Variants in YEATS2 observed in about 807,000 individuals in gnomAD.
YEATS2 encodes YEATS domain containing 2, also known as YEATS domain-containing protein 2.
A neutral mutation model predicts 163.2 loss-of-function variants in YEATS2; 77 were observed. The observed-to-expected ratio is 0.47, with a 90% CI of 0.39 to 0.57. YEATS2 has a LOEUF of 0.57. YEATS2 is among the 20% of genes least tolerant of loss of function. The probability of loss-of-function intolerance (pLI) is 0.00; values close to 1 mark genes in which losing one functional copy is unlikely to be tolerated. For missense variants in YEATS2, 1,549 were observed against 1,729.8 expected (o/e 0.90, Z 1.85); for synonymous variants, 631 against 645.1 (o/e 0.98, Z 0.33).
intron 20 of YEATS2, among the ~76,000 whole-genome samples, chr3:183,788,225 A>G (rs538297377): frequency 2.0e-5 from 3 of 152,048 alleles, no homozygotes; most frequent in South Asian, 2.1e-4. Context: ...CTGTTGTGCT[A>G]TCAAATACTA....
At chr3:183,718,702 T>G in intron 4 of YEATS2, 110 bp downstream of exon 4, 1 of 993,292 alleles carries the variant, frequency 1.0e-6, no homozygotes, top group Non-Finnish European at 1.4e-6. Context: ...TCTGTTTGTT[T>G]TTTGGTTTTT....
At position 183,733,609 on chromosome 3, in the gene YEATS2, A is replaced by G. The variant is rs567078391; in HGVS notation, c.813-3109A>G. The stretch of plus-strand genomic sequence containing the variant: ...GATGTTTGTTGTGTTAGGTATCTAA[A>G]GTAATTTAACGAATAAGGGAGGATT... On this transcript the variant is annotated intron_variant, in intron 7 of 30. Transcript: ENST00000305135. Among the ~76,000 whole-genome samples the G allele has an allele frequency of 4.6e-4, 70 of 152,364 alleles. 2 individuals are homozygous for G. In the South Asian group the frequency reaches 0.014, roughly 30 times the overall value.
At chr3:183,741,747 A>C (rs544153981) in intron 8 of YEATS2, among the ~76,000 whole-genome samples, 2 of 151,776 alleles carry the variant, frequency 1.3e-5, no homozygotes, top group East Asian at 3.9e-4. Flanking sequence ...GCGCCACTGC[A>C]CTCCAGCCTG....
At chr3:183,800,362 C>A in intron 23 of YEATS2, 104 bp from the exon 24 acceptor site, 1 of 753,156 alleles carries the variant, frequency 1.3e-6, no homozygotes, top group Non-Finnish European at 2.2e-6. Flanking sequence ...GCTGGAGTGG[C>A]AGTTTCCTTA....
At chr3:183,799,195 T>C (rs1032059009) in intron 23 of YEATS2, among the ~76,000 whole-genome samples, 1 of 152,214 alleles carries the variant, frequency 6.6e-6, no homozygotes, top group African/African-American at 2.4e-5. Context: ...AACACAGAGA[T>C]GTATAAAGGA....
At chr3:183,793,586 T>C (rs1026741265) in intron 21 of YEATS2, 3 of 284,382 alleles carry the variant, frequency 1.1e-5, no homozygotes, top group East Asian at 3.5e-4. Context: ...GATGGAACTT[T>C]CTGTATCACA....
At chr3:183,765,555 T>G (rs939167639) in intron 15 of YEATS2, among the ~76,000 whole-genome samples, 3 of 152,344 alleles carry the variant, frequency 2.0e-5, no homozygotes. Context: ...TACCACTGTT[T>G]ACCCAGGAAA....
Position 183,777,586 on chromosome 3 carries a change from A to T in YEATS2, c.2622A>T (p.Lys874Asn), listed in dbSNP as rs1443819625. ...AGCCATCACCCCAGACTTCTGGAAAACAACTCACCACTGGGTCAGTGGTCC... is the reference window on the plus strand; with the variant it reads ...AGCCATCACCCCAGACTTCTGGAAATCAACTCACCACTGGGTCAGTGGTCC... The part of the protein sequence containing the change: ...VGQPSPQTSG[K>N]QLTTGSVVQG... Residue 874 changes from lysine (K) to asparagine (N), a missense_variant, in exon 19 of 31, where the codon AAA (lysine) becomes AAT (asparagine). By Grantham distance (94) the Lys-to-Asn change is moderately conservative. Transcript: ENST00000305135. 6.2e-7 allele frequency: 1 copy of T among 1,614,020 alleles called. No individual in the cohort carries two copies. The highest frequency in any genetic ancestry group is 1.3e-5 in the African/African-American group (1 of 74,902).
rs1196848061 is a variant in YEATS2 at position 183,717,692 on chromosome 3, G to A, written c.142G>A (p.Glu48Lys). Residue 48 changes from glutamate to lysine, a missense_variant, in exon 3 of 31, where the codon GAA (glutamate) becomes AAA (lysine). Physicochemically the swap from Glu to Lys is moderately conservative, Grantham distance 56. Transcript: ENST00000305135. Reference protein sequence around the residue: ...AVQKIETIIKEQFALEMKNKE... With the variant: ...AVQKIETIIKKQFALEMKNKE... ...GCAGAAGATTGAGACTATTATCAAA[G>A]AACAGTTTGCTCTTGAAATGAAGAA... The A allele has an allele frequency of 1.9e-6, 3 of 1,568,486 alleles. No homozygotes were observed. Among genetic ancestry groups the A allele is most frequent in the Non-Finnish European group, 2.6e-6 (3 of 1,164,134 alleles).
intron 16 of YEATS2, among the ~76,000 whole-genome samples, chr3:183,773,432 C>T (rs1028570658): frequency 1.7e-4 from 26 of 152,146 alleles, no homozygotes; most frequent in African/African-American, 4.3e-4. Context: ...CTGGCAGGCT[C>T]TTCTGGTCTA....
At chr3:183,718,447 A>G in intron 3 of YEATS2, 53 bp from the exon 4 acceptor site, 1 of 1,374,804 alleles carries the variant, frequency 7.3e-7, no homozygotes, top group Non-Finnish European at 1.0e-6. Context: ...TTGTTTGTAC[A>G]TCTCTTTTAT....
At chr3:183,738,867 G>A (rs1459583127) in intron 8 of YEATS2, among the ~76,000 whole-genome samples, 1 of 141,042 alleles carries the variant, frequency 7.1e-6, no homozygotes, top group South Asian at 2.5e-4. Flanking sequence ...AAACATACGT[G>A]TGCATGTGTC....
intron 1 of YEATS2, among the ~76,000 whole-genome samples, chr3:183,704,315 T>C (rs761008963): frequency 2.7e-4 from 41 of 152,250 alleles, no homozygotes; most frequent in Non-Finnish European, 5.4e-4. Flanking sequence ...TGATGCATTA[T>C]GCTTTTAATA....
chr3:183,799,017 C>T, intron 23 of YEATS2, 28 bp downstream of exon 23: 1 of 1,569,020 alleles, frequency 6.4e-7, no homozygotes, highest in East Asian at 2.2e-5. Flanking sequence ...GAGTTCTCGT[C>T]CAGAAGTTTT....
At chr3:183,724,212 G>A (rs1292375349) in intron 5 of YEATS2, among the ~76,000 whole-genome samples, 1 of 151,904 alleles carries the variant, frequency 6.6e-6, no homozygotes, top group Admixed American at 6.6e-5. Context: ...AAACACACCG[G>A]GAGTTACAGT....
chr3:183,800,755 T>C (rs900990855), intron 24 of YEATS2, among the ~76,000 whole-genome samples, 187 bp downstream of exon 24: 2 of 152,204 alleles, frequency 1.3e-5, no homozygotes, highest in Non-Finnish European at 2.9e-5. Context: ...TATACAGTGA[T>C]GTGACTAGAG....
At chr3:183,698,107 A>T (rs531914967) in intron 1 of YEATS2, 114 bp downstream of exon 1, 1 of 152,104 alleles carries the variant, frequency 6.6e-6, no homozygotes, top group South Asian at 2.1e-4. Context: ...ATCGGCAGGC[A>T]GCGCGGCAGC....
intron 30 of YEATS2, chr3:183,809,875 T>C (rs571241915): frequency 6.5e-6 from 1 of 152,876 alleles, no homozygotes; most frequent in African/African-American, 2.4e-5. Flanking sequence ...ATCAGAGGAA[T>C]AGTAGATGAA....
chr3:183,717,560 A>G, intron 2 of YEATS2, 91 bp from the exon 3 acceptor site: 1 of 956,274 alleles, frequency 1.0e-6, no homozygotes, highest in Non-Finnish European at 1.6e-6. Context: ...TAGAGTTACT[A>G]TTTCTTGGAT....
Sources: gnomAD v4.1 joint callset for allele counts (sites outside exome capture counted in the v4.1 genomes callset) on GRCh38, gnomAD v4.1.1 for gene constraint, MANE v1.5 for transcripts, NCBI Gene and HGNC (gene_info 2026-07-23, HGNC 2026-07-21) for gene names.